Variants in ADAMTS6 observed in about 807,000 individuals in gnomAD.
The protein encoded by ADAMTS6 is A disintegrin and metalloproteinase with thrombospondin motifs 6.
A neutral mutation model predicts 144.3 loss-of-function variants in ADAMTS6; 23 were observed. The observed-to-expected ratio is 0.16, with a 90% CI of 0.11 to 0.23. The LOEUF (loss-of-function observed/expected upper bound fraction) is 0.23. Among genes scored for constraint, ADAMTS6 ranks in the 10% least tolerant of loss-of-function variants. The pLI is 1.00. For synonymous variants in ADAMTS6, 444 were observed against 457.5 expected, an observed-to-expected ratio of 0.97 and a Z score of 0.38; for missense variants, 999 against 1,379.6, an observed-to-expected ratio of 0.72 and a Z score of 4.37.
At chr5:65,357,154 G>C (rs1327238315) in intron 7 of ADAMTS6, among the ~76,000 whole-genome samples, 1 of 151,314 alleles carries the variant, frequency 6.6e-6, no homozygotes, top group East Asian at 1.9e-4. Flanking sequence ...ATAAATAATA[G>C]AAAAAAATTG....
chr5:65,388,478 T>C (rs1752654345), intron 7 of ADAMTS6, among the ~76,000 whole-genome samples: 1 of 152,182 alleles, frequency 6.6e-6, no homozygotes, highest in Non-Finnish European at 1.5e-5. Context: ...AGAAAGAGCA[T>C]GATTTTTGGA....
At chr5:65,468,436 C>CAA (rs60362335) in intron 3 of ADAMTS6, among the ~76,000 whole-genome samples, 4 of 70,334 alleles carry the variant, frequency 5.7e-5, no homozygotes, top group Non-Finnish European at 5.9e-5. Context: ...GACCCTGTCT[C>CAA]AAAAAAAAAA....
intron 7 of ADAMTS6, among the ~76,000 whole-genome samples, chr5:65,449,131 G>C (rs1758528417): frequency 6.6e-6 from 1 of 152,098 alleles, no homozygotes; most frequent in African/African-American, 2.4e-5. Flanking sequence ...CTTTTAAATA[G>C]GCTAGAAGTT....
chr5:65,263,063 G>A (rs1184897464), intron 12 of ADAMTS6, 101 bp from the exon 13 acceptor site: 1 of 1,422,298 alleles, frequency 7.0e-7, no homozygotes, highest in African/African-American at 1.4e-5. Context: ...ATAGGCATTA[G>A]CATTCTCCCA....
chr5:65,262,978 G>C lies in ADAMTS6; in HGVS notation c.1621-16C>G, dbSNP rs1394448442. ...GATAACACCACTGCAAGATTTCACA[G>C]AAAACACAGAATTAGCTTTTAGGCA... On this transcript the variant is annotated splice_polypyrimidine_tract_variant and intron_variant, in intron 12 of 24. Coordinates refer to ENST00000381055, the MANE Select transcript of ADAMTS6 (RefSeq NM_197941.4). The C allele has an allele frequency of 1.9e-6, 3 of 1,613,536 alleles. No individual in the cohort carries two copies. The South Asian group carries it at 3.3e-5, about 18-fold the overall frequency.
intron 7 of ADAMTS6, among the ~76,000 whole-genome samples, chr5:65,364,606 G>C (rs1280886279): frequency 3.8e-5 from 5 of 132,656 alleles, no homozygotes; most frequent in African/African-American, 1.5e-4. Flanking sequence ...TTGCTCTGTC[G>C]CCCAGGCTGG....
At chr5:65,361,306 C>T (rs1391286356) in intron 7 of ADAMTS6, among the ~76,000 whole-genome samples, 1 of 152,172 alleles carries the variant, frequency 6.6e-6, no homozygotes, top group Non-Finnish European at 1.5e-5. Flanking sequence ...ATAAGATGTA[C>T]AATTATGCCG....
chr5:65,438,785 A>G (rs1757647205), intron 7 of ADAMTS6, among the ~76,000 whole-genome samples: 1 of 152,212 alleles, frequency 6.6e-6, no homozygotes, highest in African/African-American at 2.4e-5. Flanking sequence ...TTTTTTATTC[A>G]GAACATAAAA....
chr5:65,309,424 G>A (rs958074692), intron 9 of ADAMTS6, among the ~76,000 whole-genome samples: 1 of 149,350 alleles, frequency 6.7e-6, no homozygotes. Flanking sequence ...GATCTGACAG[G>A]AGGTGGAGCT....
chr5:65,399,729 A>G (rs190808031), intron 7 of ADAMTS6, among the ~76,000 whole-genome samples: 41 of 152,300 alleles, frequency 2.7e-4, no homozygotes, highest in African/African-American at 9.9e-4. Flanking sequence ...AGATACATAC[A>G]TATGATACAT....
At chr5:65,447,649 A>C (rs1213343514) in intron 7 of ADAMTS6, among the ~76,000 whole-genome samples, 1 of 152,046 alleles carries the variant, frequency 6.6e-6, no homozygotes. Context: ...ATATAATGTC[A>C]TATTTCACCA....
At position 65,473,590 on chromosome 5, in the gene ADAMTS6, T is replaced by C; in HGVS notation, c.84A>G (p.Ser28=). 1 of 1,613,528 alleles carries C rather than the reference T, an allele frequency of 6.2e-7. No homozygotes were observed. Among genetic ancestry groups the C allele is most frequent in the South Asian group, 1.1e-5 (1 of 91,054 alleles). The change falls in exon 2 of 25, where the codon TCA becomes TCG. Residue 28 remains serine (S), a synonymous_variant. Transcript: ENST00000381055. ...CAAGAATCCTACCTTGAGAACTGTA[T>C]GAAAGCCTGTGGTCACTATGAAATT... ...SSEFHSDHRL[S]YSSQEEFLTY...
intron 15 of ADAMTS6, among the ~76,000 whole-genome samples, chr5:65,232,086 G>A (rs1426454264): frequency 1.3e-5 from 2 of 152,098 alleles, no homozygotes; most frequent in African/African-American, 4.8e-5. Flanking sequence ...CCTCCAGCCT[G>A]GATGACTAAA....
chr5:65,396,702 G>A (rs1011694434), intron 7 of ADAMTS6, among the ~76,000 whole-genome samples: 3 of 152,166 alleles, frequency 2.0e-5, no homozygotes, highest in African/African-American at 7.2e-5. Context: ...ACATGGTCAT[G>A]ATATGTCATT....
intron 11 of ADAMTS6, among the ~76,000 whole-genome samples, chr5:65,282,740 A>G (rs1223517855): frequency 6.6e-6 from 1 of 151,946 alleles, no homozygotes; most frequent in Non-Finnish European, 1.5e-5. Flanking sequence ...TGTTTTAATG[A>G]TAATGTTGGT....
At chr5:65,174,866 C>T (rs928738561) in intron 22 of ADAMTS6, among the ~76,000 whole-genome samples, 1 of 152,124 alleles carries the variant, frequency 6.6e-6, no homozygotes, top group African/African-American at 2.4e-5. Flanking sequence ...AAGCCCACCC[C>T]ACTAGGAACT....
intron 7 of ADAMTS6, among the ~76,000 whole-genome samples, chr5:65,448,133 A>AAT (rs1166780325): frequency 2.0e-5 from 3 of 150,864 alleles, no homozygotes; most frequent in East Asian, 3.9e-4. Flanking sequence ...ACACATGTAT[A>AAT]ATATATATAA....
At chr5:65,322,908 A>C (rs954629987) in intron 9 of ADAMTS6, among the ~76,000 whole-genome samples, 1 of 152,118 alleles carries the variant, frequency 6.6e-6, no homozygotes, top group African/African-American at 2.4e-5. Flanking sequence ...CAGAACTTCC[A>C]ATACTAAGCT....
chr5:65,316,088 T>A (rs1013514000), intron 9 of ADAMTS6, among the ~76,000 whole-genome samples: 11 of 152,230 alleles, frequency 7.2e-5, no homozygotes, highest in Middle Eastern at 3.4e-3. Context: ...TTTTTGTATT[T>A]TTTAGTAGAG....
Sources: gnomAD v4.1 joint callset for allele counts (sites outside exome capture counted in the v4.1 genomes callset) on GRCh38, gnomAD v4.1.1 for gene constraint, MANE v1.5 for transcripts, NCBI Gene and HGNC (gene_info 2026-07-23, HGNC 2026-07-21) for gene names.